CSNK2A2IP: variants seen among roughly 807,000 people sequenced by gnomAD.
CSNK2A2IP encodes the protein casein kinase II subunit alpha'-interacting protein.
At chr3:88,409,700 T>C in the CSNK2A2IP span, among the ~76,000 whole-genome samples, 1 of 152,042 alleles carries the variant, frequency 6.6e-6, no homozygotes, top group African/African-American at 2.4e-5. Flanking sequence ...AAGAAGCAAG[T>C]TATTTAGTCA....
At chr3:88,438,360 C>T in the CSNK2A2IP span, among the ~76,000 whole-genome samples, 1 of 152,118 alleles carries the variant, frequency 6.6e-6, no homozygotes, top group African/African-American at 2.4e-5. Context: ...ACCCTTCTTT[C>T]TCCTGTTTAC....
chr3:88,353,505 G>A, the CSNK2A2IP span, among the ~76,000 whole-genome samples: 1 of 152,168 alleles, frequency 6.6e-6, no homozygotes, highest in African/African-American at 2.4e-5. Flanking sequence ...TGTCAAGAGG[G>A]AGCCTGAGTC....
At chr3:88,382,441 TG>T in the CSNK2A2IP span, 4 of 152,220 alleles carry the variant, frequency 2.6e-5, no homozygotes, top group Non-Finnish European at 5.9e-5. Context: ...CCTCAAGCAC[TG>T]AGAATATTAT....
the CSNK2A2IP span, among the ~76,000 whole-genome samples, chr3:88,426,307 G>A: frequency 1.3e-5 from 2 of 152,162 alleles, no homozygotes; most frequent in Admixed American, 6.5e-5. Context: ...GCAAGTGTCT[G>A]TTTAGATATA....
the CSNK2A2IP span, among the ~76,000 whole-genome samples, chr3:88,354,385 C>T: frequency 8.1e-4 from 124 of 152,254 alleles, no homozygotes; most frequent in Middle Eastern, 3.4e-3. Context: ...ATTACTATTA[C>T]TATTTTTTAA....
At chr3:88,381,300 T>G in the CSNK2A2IP span, among the ~76,000 whole-genome samples, 2 of 152,154 alleles carry the variant, frequency 1.3e-5, no homozygotes, top group African/African-American at 4.8e-5. Context: ...ATTAGTAACT[T>G]GGATATTCCT....
chr3:88,435,288 T>C, the CSNK2A2IP span, among the ~76,000 whole-genome samples: 1 of 152,146 alleles, frequency 6.6e-6, no homozygotes, highest in Non-Finnish European at 1.5e-5. Flanking sequence ...GTTTTCATCA[T>C]CTCAGCACTC....
the CSNK2A2IP span, among the ~76,000 whole-genome samples, chr3:88,379,354 G>A: frequency 2.6e-5 from 4 of 151,998 alleles, no homozygotes; most frequent in African/African-American, 7.3e-5. Context: ...TAATTGAGGC[G>A]GTAGATATAC....
the CSNK2A2IP span, among the ~76,000 whole-genome samples, chr3:88,422,531 A>G: frequency 3.9e-5 from 6 of 152,228 alleles, no homozygotes; most frequent in Non-Finnish European, 7.3e-5. Flanking sequence ...AACAATTATG[A>G]GTTATATCTC....
the CSNK2A2IP span, among the ~76,000 whole-genome samples, chr3:88,434,366 A>G: frequency 6.6e-6 from 1 of 152,150 alleles, no homozygotes; most frequent in Non-Finnish European, 1.5e-5. Context: ...AAAAAAAATA[A>G]AATATTTGTC....
At chr3:88,372,112 T>C in the CSNK2A2IP span, among the ~76,000 whole-genome samples, 1 of 151,794 alleles carries the variant, frequency 6.6e-6, no homozygotes, top group East Asian at 1.9e-4. Context: ...AATATATAAG[T>C]AGATATTTAT....
At chr3:88,397,706 T>C in the CSNK2A2IP span, among the ~76,000 whole-genome samples, 1 of 152,062 alleles carries the variant, frequency 6.6e-6, no homozygotes, top group African/African-American at 2.4e-5. Flanking sequence ...ATATATAATA[T>C]TATTGTGCAA....
chr3:88,364,457 A>G, the CSNK2A2IP span, among the ~76,000 whole-genome samples: 1 of 152,098 alleles, frequency 6.6e-6, no homozygotes, highest in Admixed American at 6.6e-5. Flanking sequence ...ACATAAAATA[A>G]TGTGAGACAG....
the CSNK2A2IP span, among the ~76,000 whole-genome samples, chr3:88,395,307 A>G: frequency 2.6e-5 from 4 of 152,196 alleles, no homozygotes; most frequent in Admixed American, 6.5e-5. Flanking sequence ...TAGTGTTAGC[A>G]TTACACTTAA....
the CSNK2A2IP span, among the ~76,000 whole-genome samples, chr3:88,454,266 T>C: frequency 2.0e-5 from 3 of 152,004 alleles, no homozygotes; most frequent in Admixed American, 2.0e-4. Flanking sequence ...TAATTTTTTA[T>C]TTGATTGCTT....
chr3:88,416,716 A>G, the CSNK2A2IP span, among the ~76,000 whole-genome samples: 1 of 152,196 alleles, frequency 6.6e-6, no homozygotes, highest in African/African-American at 2.4e-5. Flanking sequence ...AAGACAACAT[A>G]TCTATAAATC....
chr3:88,450,974 A>T, the CSNK2A2IP span, among the ~76,000 whole-genome samples: 1 of 152,232 alleles, frequency 6.6e-6, no homozygotes, highest in Admixed American at 6.5e-5. Flanking sequence ...CAATAGTGCA[A>T]AAAAATTTCC....
At chr3:88,397,181 A>G in the CSNK2A2IP span, among the ~76,000 whole-genome samples, 1 of 152,222 alleles carries the variant, frequency 6.6e-6, no homozygotes, top group African/African-American at 2.4e-5. Flanking sequence ...CAATGATTTT[A>G]GTGAGAATTA....
the CSNK2A2IP span, among the ~76,000 whole-genome samples, chr3:88,344,656 G>A: frequency 6.6e-6 from 1 of 151,976 alleles, no homozygotes; most frequent in African/African-American, 2.4e-5. Flanking sequence ...TAAATTTGCT[G>A]TCTCCCATTC....
Sources: allele counts gnomAD v4.1 joint callset (sites outside exome capture counted in the v4.1 genomes callset), GRCh38; gene constraint gnomAD v4.1.1; transcripts MANE v1.5; gene names NCBI Gene and HGNC (gene_info 2026-07-23, HGNC 2026-07-21).